Variants in PAX7 observed in about 807,000 individuals in gnomAD.
The protein encoded by PAX7 is paired box 7.
PAX7 carries 18 observed loss-of-function variants against 50.7 expected under a neutral mutation model. That is an observed-to-expected ratio of 0.36 (90% CI 0.25 to 0.53). The LOEUF is 0.53. PAX7 is among the 20% of genes least tolerant of loss of function. The probability of loss-of-function intolerance (pLI) is 0.93; values close to 1 mark genes in which losing one functional copy is unlikely to be tolerated. For missense variants in PAX7, 644 were observed against 702.9 expected (o/e 0.92, Z 0.95); for synonymous variants, 310 against 290.4 (o/e 1.07, Z -0.69).
chr1:18,642,481 G>C (rs745714142), intron 4 of PAX7, among the ~76,000 whole-genome samples: 2 of 152,138 alleles, frequency 1.3e-5, no homozygotes, highest in Non-Finnish European at 2.9e-5. Context: ...CATGACTAAG[G>C]GGGGAGGACA....
At chr1:18,677,733 ATGAGGGTCCG>A (rs1353328301) in intron 4 of PAX7, among the ~76,000 whole-genome samples, 1 of 152,170 alleles carries the variant, frequency 6.6e-6, no homozygotes, top group Non-Finnish European at 1.5e-5. Flanking sequence ...GTGTGTAATG[ATGAGGGTCCG>A]TGGCTTCTTT....
intron 7 of PAX7, among the ~76,000 whole-genome samples, chr1:18,718,383 C>A (rs624761): frequency 3.9e-5 from 6 of 152,012 alleles, no homozygotes; most frequent in African/African-American, 1.5e-4. Context: ...CTGAGCCTGT[C>A]AAAAATCTCA....
chr1:18,681,777 G>A (rs1057497527), intron 4 of PAX7, among the ~76,000 whole-genome samples: 13 of 144,554 alleles, frequency 9.0e-5, no homozygotes, highest in Middle Eastern at 7.1e-3. Context: ...TTGATACGGC[G>A]TTTCATTCTT....
At chr1:18,658,261 C>G (rs6672817) in intron 4 of PAX7, among the ~76,000 whole-genome samples, 3,149 of 151,744 alleles carry the variant, frequency 0.021, 102 homozygotes, top group African/African-American at 0.071. Flanking sequence ...CCCCTCCCCC[C>G]ACAAAGGTCC....
At chr1:18,640,596 T>A (rs2088236121) in intron 4 of PAX7, among the ~76,000 whole-genome samples, 1 of 151,912 alleles carries the variant, frequency 6.6e-6, no homozygotes. Flanking sequence ...TCTGTAAATG[T>A]GTGTTTAGAG....
At chr1:18,697,243 A>C (rs1305357351) in intron 5 of PAX7, among the ~76,000 whole-genome samples, 1 of 152,206 alleles carries the variant, frequency 6.6e-6, no homozygotes, top group Non-Finnish European at 1.5e-5. Flanking sequence ...GAAATGAAGA[A>C]TAAAACCCAG....
chr1:18,636,467 C>T lies in PAX7; in HGVS notation c.586+96C>T, dbSNP rs1373173621. The T allele has an allele frequency of 1.4e-6, 2 of 1,412,782 alleles. No homozygotes were observed. The highest frequency in any genetic ancestry group is 2.9e-5 in the African/African-American group (2 of 69,616). The allele number at this position is 1,412,782 out of a possible 1,614,324, so 87.5% of individuals were successfully genotyped here. On this transcript the variant is annotated intron_variant, in intron 4 of 8. Coordinates refer to ENST00000420770, the MANE Select transcript of PAX7 (RefSeq NM_001135254.2). This position sits in a 1 kb window ranked among gnomAD's most constrained non-coding sequence, Gnocchi z 5.1. ...TCGCTCCCGCCGCCGGAGCAGGCGA[C>T]CAGAACTCCAGCGGAGAAACTCTCA...
At chr1:18,719,871 G>A (rs1276951243) in intron 7 of PAX7, among the ~76,000 whole-genome samples, 1 of 152,208 alleles carries the variant, frequency 6.6e-6, no homozygotes, top group Admixed American at 6.5e-5. Flanking sequence ...ACTGATCATA[G>A]TAGCAGTCAT....
chr1:18,735,575 G>C lies in PAX7; in HGVS notation c.1156-57G>C. On this transcript the variant is annotated intron_variant, in intron 7 of 8. Coordinates refer to ENST00000420770, the MANE Select transcript of PAX7 (RefSeq NM_001135254.2). This position sits in a 1 kb window ranked among gnomAD's most constrained non-coding sequence, Gnocchi z 4.0. ...GCCAGCCTGGCATTGTGCCCAGTGT[G>C]CTCGTGTCTCTGGGGTCTGTCCGGT... The C allele has an allele frequency of 3.2e-6, 5 of 1,564,432 alleles. No individual in the cohort carries two copies. The highest frequency in any genetic ancestry group is 4.3e-6 in the Non-Finnish European group (5 of 1,149,894).
At chr1:18,677,493 G>A (rs1274478078) in intron 4 of PAX7, among the ~76,000 whole-genome samples, 1 of 152,156 alleles carries the variant, frequency 6.6e-6, no homozygotes, top group Admixed American at 6.5e-5. Context: ...GGCACCAGTG[G>A]GTGCTTGGTG....
intron 1 of PAX7, among the ~76,000 whole-genome samples, chr1:18,633,140 CA>C (rs894744572): frequency 6.6e-6 from 1 of 152,066 alleles, no homozygotes; most frequent in Non-Finnish European, 1.5e-5. Context: ...CCGACTTTTA[CA>C]AAGAGAGGTG....
In PAX7 at chr1:18,748,576, AGATCATTCCTTCTTCCTAGTAACT is replaced by A; in HGVS notation, c.*3649_*3672del. ...CTGGGAAATATTTACATAGTACTCT[AGATCATTCCTTCTTCCTAGTAACT>A]GCAACTTTGTTGCTTCTGTGTTTGA... On this transcript the variant is annotated 3_prime_UTR_variant, in exon 9 of 9. Coordinates refer to ENST00000420770, the MANE Select transcript of PAX7 (RefSeq NM_001135254.2). The A allele has an allele frequency of 4.3e-6, 1 of 231,496 alleles. No homozygotes were observed. The highest frequency in any genetic ancestry group is 8.6e-6 in the Non-Finnish European group (1 of 116,934). 14.3% of individuals were successfully genotyped at this position (231,496 alleles called of 1,614,324 possible).
rs1016461328 is a variant in PAX7 at position 18,697,856 on chromosome 1, G to A, written c.787-2797G>A. The stretch of plus-strand genomic sequence containing the variant: ...CTGAAAAGCAGCTGCTCTTTGACTC[G>A]TGCCCAGGCAAAGGGCAGTTTGAGG... On this transcript the variant is annotated intron_variant, in intron 5 of 8. Transcript: ENST00000420770. 2.0e-5 allele frequency among the ~76,000 whole-genome samples: 3 copies of A among 150,784 alleles called. No individual in the cohort carries two copies. The East Asian group carries it at 6.0e-4, about 30-fold the overall frequency.
rs2841100 is a variant in PAX7, at chr1:18,704,770, A to G, written c.1155+1474A>G. Among the ~76,000 whole-genome samples the G allele has an allele frequency of 7.1e-3, 1,077 of 151,758 alleles. 10 individuals are homozygous for G. Among genetic ancestry groups the G allele is most frequent in the African/African-American group, 0.024 (979 of 41,396 alleles). On this transcript the variant is annotated intron_variant, in intron 7 of 8. Coordinates refer to ENST00000420770, the MANE Select transcript of PAX7 (RefSeq NM_001135254.2). The stretch of plus-strand genomic sequence containing the variant: ...GTTAATTTTCTGCTTGTCTGGATTC[A>G]TTTCTGTTTGCCTCCATTAATTTGT...
intron 4 of PAX7, among the ~76,000 whole-genome samples, chr1:18,655,202 G>C (rs887967436): frequency 6.6e-6 from 1 of 152,230 alleles, no homozygotes; most frequent in African/African-American, 2.4e-5. Flanking sequence ...CCAGGGGCCA[G>C]AAGCTGGTCT....
rs576519380 is a variant in PAX7 at position 18,747,576 on chromosome 1, T to A, written c.*2647T>A. ...CACAAGGCCTCCATCTCTTTGGGGCTGACCACAGCCTGAGAAAGAAGGTCT... is the reference window on the plus strand; with the variant it reads ...CACAAGGCCTCCATCTCTTTGGGGCAGACCACAGCCTGAGAAAGAAGGTCT... On this transcript the variant is annotated 3_prime_UTR_variant, in exon 9 of 9. Coordinates refer to ENST00000420770, the MANE Select transcript of PAX7 (RefSeq NM_001135254.2). 3 of 212,334 alleles carry A rather than the reference T, an allele frequency of 1.4e-5. No homozygotes were observed. Among genetic ancestry groups the A allele is most frequent in the African/African-American group, 6.8e-5 (3 of 44,170 alleles). The allele number at this position is 212,334 out of a possible 1,614,324, so 13.2% of individuals were successfully genotyped here.
chr1:18,741,767 A>G (rs916987263), intron 8 of PAX7, among the ~76,000 whole-genome samples: 4 of 152,222 alleles, frequency 2.6e-5, no homozygotes, highest in African/African-American at 9.6e-5. Flanking sequence ...GATCGCTTAC[A>G]TTGCCTGGAG....
At chr1:18,701,144 C>T (rs2089214373) in intron 6 of PAX7, among the ~76,000 whole-genome samples, 1 of 152,176 alleles carries the variant, frequency 6.6e-6, no homozygotes, top group Non-Finnish European at 1.5e-5. Flanking sequence ...TGGGAATGCC[C>T]AAGCTGGTGG....
chr1:18,645,181 G>T (rs2088318323), intron 4 of PAX7, among the ~76,000 whole-genome samples: 1 of 152,216 alleles, frequency 6.6e-6, no homozygotes, highest in Non-Finnish European at 1.5e-5. Flanking sequence ...GAGTGTGTTT[G>T]CGGGGCTGGG....
Sources: allele counts gnomAD v4.1 joint callset (sites outside exome capture counted in the v4.1 genomes callset), GRCh38; gene constraint gnomAD v4.1.1; non-coding constraint Gnocchi (gnomAD v3.1); transcripts MANE v1.5; gene names NCBI Gene and HGNC (gene_info 2026-07-23, HGNC 2026-07-21).